The following DCP2 variants were observed in gnomAD, a reference collection of about 807,000 sequenced individuals.
The protein encoded by DCP2 is decapping mRNA 2.
A neutral mutation model predicts 56.1 loss-of-function variants in DCP2; 30 were observed. The observed-to-expected ratio is 0.53, with a 90% CI of 0.40 to 0.73. The LOEUF is 0.73. Among genes scored for constraint, DCP2 ranks in the 30% least tolerant of loss-of-function variants. The probability of loss-of-function intolerance (pLI) is 0.00; values close to 1 mark genes in which losing one functional copy is unlikely to be tolerated. For synonymous variants in DCP2, 197 were observed against 163.3 expected (o/e 1.21, Z -1.57); for missense variants, 533 against 502.7 (o/e 1.06, Z -0.58).
rs183097142 is a variant in DCP2, at chr5:113,019,936, C to T, written c.*6452C>T. 2 of 152,308 alleles carry T rather than the reference C, an allele frequency of 1.3e-5. No homozygotes were observed. Among genetic ancestry groups the T allele is most frequent in the Non-Finnish European group, 2.9e-5 (2 of 68,022 alleles). The allele number at this position is 152,308 out of a possible 1,614,324, so 9.4% of individuals were successfully genotyped here. On this transcript the variant is annotated 3_prime_UTR_variant, in exon 11 of 11. Coordinates refer to ENST00000389063, the MANE Select transcript of DCP2 (RefSeq NM_152624.6). The stretch of plus-strand genomic sequence containing the variant: ...TTTTGTCTAACCGAAATAGGGCATA[C>T]AGATTAGTTTGGATGGGAAAGTGGT...
At chr5:112,993,295 T>C (rs1366318353) in intron 4 of DCP2, among the ~76,000 whole-genome samples, 2 of 152,192 alleles carry the variant, frequency 1.3e-5, no homozygotes, top group South Asian at 4.1e-4. Context: ...CAAAACAATT[T>C]ATTTTCTCTC....
chr5:113,001,335 A>G (rs749134044), intron 5 of DCP2, 22 bp from the exon 6 acceptor site: 1 of 1,599,346 alleles, frequency 6.3e-7, no homozygotes, highest in South Asian at 1.1e-5. Flanking sequence ...AACTAAATGA[A>G]TTATTTTCTT....
chr5:113,003,518 G>C (rs1454679580), intron 7 of DCP2, among the ~76,000 whole-genome samples: 1 of 152,110 alleles, frequency 6.6e-6, no homozygotes, highest in African/African-American at 2.4e-5. Context: ...TGAGGCCACG[G>C]TGAGCTGTGA....
At chr5:113,010,207 ATT>A (rs766144641) in intron 9 of DCP2, among the ~76,000 whole-genome samples, 78 of 117,866 alleles carry the variant, frequency 6.6e-4, no homozygotes, top group Middle Eastern at 4.5e-3. Flanking sequence ...TAATTCTTGT[ATT>A]TTTTTTTTTT....
At chr5:113,000,178 G>A (rs1045643402) in intron 4 of DCP2, among the ~76,000 whole-genome samples, 2 of 151,486 alleles carry the variant, frequency 1.3e-5, no homozygotes, top group African/African-American at 4.9e-5. Flanking sequence ...GAATGGTCTC[G>A]AACACCTGGG....
chr5:113,019,985 G>T lies in DCP2; in HGVS notation c.*6501G>T, dbSNP rs527488359. On this transcript the variant is annotated 3_prime_UTR_variant, in exon 11 of 11. Transcript: ENST00000389063. ...GTAAGACTTGACTTTTTAATACTGT[G>T]CCTATTTCCAAAAGAAGACTTGATG... The T allele has an allele frequency of 1.3e-5, 2 of 152,280 alleles. No individual in the cohort carries two copies. The highest frequency in any genetic ancestry group is 2.9e-5 in the Non-Finnish European group (2 of 67,996). The allele number at this position is 152,280 out of a possible 1,614,324, so 9.4% of individuals were successfully genotyped here. A position where few individuals can be genotyped will look rare whatever the true frequency, so the allele number is the denominator to read the frequency against.
At chr5:112,995,934 A>G (rs777134188) in intron 4 of DCP2, among the ~76,000 whole-genome samples, 23 of 152,156 alleles carry the variant, frequency 1.5e-4, no homozygotes, top group Non-Finnish European at 2.1e-4. Context: ...TGCTGAGCAC[A>G]CTTATACCCT....
At position 112,992,221 on chromosome 5, in the gene DCP2, A is replaced by C; in HGVS notation, c.306A>C (p.Ala102=). ...EYKMGVPTYG[A]IILDETLENV... ...AAATGGGAGTACCAACATATGGTGC[A>C]ATTATTCTTGATGAGACACTTGAAA... Residue 102 remains alanine, a synonymous_variant, in exon 3 of 11, where the codon GCA becomes GCC. Transcript: ENST00000389063. The C allele has an allele frequency of 6.2e-7, 1 of 1,613,092 alleles. No homozygotes were observed. Among genetic ancestry groups the C allele is most frequent in the Non-Finnish European group, 8.5e-7 (1 of 1,179,782 alleles).
At chr5:112,983,872 G>C (rs1748124912) in intron 1 of DCP2, 1 of 152,194 alleles carries the variant, frequency 6.6e-6, no homozygotes, top group Non-Finnish European at 1.5e-5. Context: ...TTCCAACTTA[G>C]AATTCTTTAC....
At chr5:112,987,877 C>T (rs62366970) in intron 2 of DCP2, among the ~76,000 whole-genome samples, 8,891 of 151,876 alleles carry the variant, frequency 0.059, 375 homozygotes, top group South Asian at 0.1. Context: ...GCAGTCTTCC[C>T]GCATTTTTCC....
chr5:112,991,435 G>A (rs1229767042), intron 2 of DCP2, among the ~76,000 whole-genome samples: 2 of 152,184 alleles, frequency 1.3e-5, no homozygotes, highest in Non-Finnish European at 2.9e-5. Flanking sequence ...ACACTGCCCA[G>A]TTTTGGGGGG....
In DCP2 at chr5:112,982,558, C is replaced by T. The variant is rs200248717; in HGVS notation, c.54-3277C>T. On this transcript the variant is annotated intron_variant, in intron 1 of 10. Coordinates refer to ENST00000389063, the MANE Select transcript of DCP2 (RefSeq NM_152624.6). ...CTGTTTCTGTTTTCACACTTAGTTC[C>T]CACATGGTCTAGCGTCCACATTTTG... is the stretch of plus-strand genomic sequence containing the variant. 5.3e-5 allele frequency among the ~76,000 whole-genome samples: 8 copies of T among 152,272 alleles called. No homozygotes were observed. The East Asian group carries it at 1.5e-3, about 29-fold the overall frequency.
intron 1 of DCP2, among the ~76,000 whole-genome samples, chr5:112,978,215 T>C (rs1161871981): frequency 6.6e-6 from 1 of 152,134 alleles, no homozygotes; most frequent in Non-Finnish European, 1.5e-5. Flanking sequence ...GACCTCGTGA[T>C]CCACCCGCCT....
Position 112,976,994 on chromosome 5 carries a change from G to A in DCP2, c.53+8G>A. 4 of 1,538,408 alleles carry A rather than the reference G, an allele frequency of 2.6e-6. No homozygotes were observed. The South Asian group carries it at 3.6e-5, about 14-fold the overall frequency. Reference sequence around the variant, plus strand: ...CCTGGACGATCTCTGCAGGTACCGCGCTACCCGACCCCCTTTCGCCCCCGT... The same window carrying A: ...CCTGGACGATCTCTGCAGGTACCGCACTACCCGACCCCCTTTCGCCCCCGT... On this transcript the variant is annotated splice_region_variant and intron_variant, in intron 1 of 10. Transcript: ENST00000389063.
intron 1 of DCP2, chr5:112,984,368 T>TA (rs1748147623): frequency 6.6e-6 from 1 of 152,110 alleles, no homozygotes; most frequent in Non-Finnish European, 1.5e-5. Context: ...GGCCAAAGTG[T>TA]AAAACTAGCT....
chr5:112,977,291 C>T (rs573192439), intron 1 of DCP2, among the ~76,000 whole-genome samples: 2 of 152,256 alleles, frequency 1.3e-5, no homozygotes, highest in East Asian at 3.9e-4. Flanking sequence ...TGGGTCTTAG[C>T]GTTTTGCCGC....
chr5:112,985,558 T>C (rs1488043814), intron 1 of DCP2, among the ~76,000 whole-genome samples: 1 of 152,216 alleles, frequency 6.6e-6, no homozygotes, highest in African/African-American at 2.4e-5. Context: ...TTGCTCACTT[T>C]TGTTGTTAGT....
At chr5:112,977,786 A>T (rs1747788077) in intron 1 of DCP2, among the ~76,000 whole-genome samples, 1 of 152,156 alleles carries the variant, frequency 6.6e-6, no homozygotes, top group Non-Finnish European at 1.5e-5. Flanking sequence ...GAGTGCAGTG[A>T]TACCCGGAGT....
chr5:113,000,426 C>T (rs147844505), intron 4 of DCP2, among the ~76,000 whole-genome samples: 5 of 107,028 alleles, frequency 4.7e-5, no homozygotes, highest in Admixed American at 3.4e-4. Context: ...ACACACACAC[C>T]CACACACCCT....
Sources: gnomAD v4.1 joint callset for allele counts (sites outside exome capture counted in the v4.1 genomes callset) on GRCh38, gnomAD v4.1.1 for gene constraint, MANE v1.5 for transcripts, NCBI Gene and HGNC (gene_info 2026-07-23, HGNC 2026-07-21) for gene names.